The following SERPINB7 variants were observed in gnomAD, a reference collection of about 807,000 sequenced individuals.
The protein encoded by SERPINB7 is serpin family B member 7, also known as serpin B7.
Under a neutral mutation model 37.4 loss-of-function variants are expected in SERPINB7, and 31 were observed. The ratio of observed to expected loss-of-function variants is 0.83; its 90% CI spans 0.62 to 1.12. The LOEUF is 1.12. SERPINB7 is among the 50% of genes most tolerant of loss of function. The pLI, the probability that SERPINB7 is intolerant of heterozygous loss-of-function variation, is 0.00. For missense variants in SERPINB7, 521 were observed against 455.3 expected, an observed-to-expected ratio of 1.14 and a Z score of -1.31; for synonymous variants, 163 against 166.1, an observed-to-expected ratio of 0.98 and a Z score of 0.14.
intron 1 of SERPINB7, among the ~76,000 whole-genome samples, chr18:63,753,806 C>A (rs1377369660): frequency 2.0e-5 from 3 of 152,146 alleles, no homozygotes; most frequent in Admixed American, 2.0e-4. Context: ...TAATATGAGG[C>A]ACTTTTGAGT....
chr18:63,759,432 A>G lies in SERPINB7; in HGVS notation c.-19+6312A>G, dbSNP rs2049140303. Among the ~76,000 whole-genome samples the G allele has an allele frequency of 1.3e-5, 2 of 151,996 alleles. 1 individual carries two copies. Among genetic ancestry groups the G allele is most frequent in the African/African-American group, 4.8e-5 (2 of 41,298 alleles). ...AGAGCACACAGGCCTCTCTGGGTGC[A>G]TATGTAGGTTTTTTTCCTTCCAAAA... is the stretch of plus-strand genomic sequence containing the variant. On this transcript the variant is annotated intron_variant, in intron 1 of 7. Coordinates refer to the SERPINB7 transcript ENST00000336429.
intron 1 of SERPINB7, among the ~76,000 whole-genome samples, chr18:63,756,786 C>T (rs1158559003): frequency 1.4e-5 from 2 of 139,338 alleles, no homozygotes; most frequent in African/African-American, 2.6e-5. Context: ...CCAGTTGTTT[C>T]CAGGGTCTTG....
chr18:63,767,269 T>G (rs1429819034), intron 1 of SERPINB7, among the ~76,000 whole-genome samples: 1 of 152,150 alleles, frequency 6.6e-6, no homozygotes, highest in Non-Finnish European at 1.5e-5. Flanking sequence ...TGGATTTCAC[T>G]CTGTCTGCTT....
At chr18:63,754,880 C>CTTTTTTTTTTT (rs71162676) in intron 1 of SERPINB7, among the ~76,000 whole-genome samples, 1 of 57,980 alleles carries the variant, frequency 1.7e-5, no homozygotes, top group African/African-American at 7.1e-5. Context: ...AAACTGAGGT[C>CTTTTTTTTTTT]TTTTTTTTTT....
chr18:63,792,714 G>C (rs1355733202), intron 3 of SERPINB7, among the ~76,000 whole-genome samples: 2 of 152,162 alleles, frequency 1.3e-5, no homozygotes, highest in Non-Finnish European at 2.9e-5. Flanking sequence ...TCAAAGCAAA[G>C]AAACATGCTT....
intron 1 of SERPINB7, among the ~76,000 whole-genome samples, chr18:63,759,324 C>A (rs1332150998): frequency 6.6e-6 from 1 of 151,080 alleles, no homozygotes; most frequent in African/African-American, 2.4e-5. Flanking sequence ...TAAAATTGTT[C>A]AAAAATTTTC....
Position 63,785,737 on chromosome 18 carries a change from T to G in SERPINB7, c.168+3197T>G, listed in dbSNP as rs921794005. Among the ~76,000 whole-genome samples, 38 of 151,606 alleles carry G rather than the reference T, an allele frequency of 2.5e-4. 2 individuals carry two copies. Among genetic ancestry groups the G allele is most frequent in the African/African-American group, 8.0e-4 (33 of 41,462 alleles). The stretch of plus-strand genomic sequence containing the variant: ...TTTTTGTTGTTGTGTTTTGTTTTTT[T>G]TGTGTGTGTTTTTATTTTCATTTAG... On this transcript the variant is annotated intron_variant, in intron 2 of 7. Transcript: ENST00000398019.
chr18:63,769,603 C>T (rs1035204955), intron 1 of SERPINB7, among the ~76,000 whole-genome samples: 3 of 152,014 alleles, frequency 2.0e-5, no homozygotes, highest in Admixed American at 6.6e-5. Flanking sequence ...TTTAAATAGA[C>T]AGCAATGGTT....
chr18:63,796,567 T>C (rs1213411577), intron 5 of SERPINB7, among the ~76,000 whole-genome samples, 184 bp downstream of exon 5: 1 of 152,178 alleles, frequency 6.6e-6, no homozygotes, highest in Non-Finnish European at 1.5e-5. Flanking sequence ...TCTTAATAAT[T>C]TGAATGCTTT....
rs770445037 is a variant in SERPINB7 at position 63,800,915 on chromosome 18, T to C, written c.647T>C (p.Leu216Ser). Residue 216 changes from leucine to serine, a missense_variant, in exon 7 of 8, where the codon TTG becomes TCG. Transcript: ENST00000398019. ...AMMHQERKFN[L>S]SVIEDPSMKI... Reference sequence around the variant, plus strand: ...ATGCATCAGGAACGGAAGTTCAATTTGTCTGTTATTGAGGACCCATCAATG... The same window carrying C: ...ATGCATCAGGAACGGAAGTTCAATTCGTCTGTTATTGAGGACCCATCAATG... 9 of 1,614,000 alleles carry C rather than the reference T, an allele frequency of 5.6e-6. No homozygotes were observed. Among genetic ancestry groups the C allele is most frequent in the Non-Finnish European group, 7.6e-6 (9 of 1,179,906 alleles).
chr18:63,792,293 A>C, intron 2 of SERPINB7, 100 bp from the exon 3 acceptor site: 1 of 834,396 alleles, frequency 1.2e-6, no homozygotes, highest in Admixed American at 2.2e-5. Flanking sequence ...GCAATTAGAC[A>C]CATTTATTGG....
intron 1 of SERPINB7, among the ~76,000 whole-genome samples, chr18:63,759,247 A>T (rs59792263): frequency 0.031 from 4,148 of 133,192 alleles, 183 homozygotes; most frequent in African/African-American, 0.12. Context: ...AATCTGAATT[A>T]AAAAAAAAAA....
rs1765225751 is a variant in SERPINB7, at chr18:63,805,139, A to T, written c.*504A>T. ...TATGTTTGATTTTAAATCAGTGTAT[A>T]ATCTAGATGGTAAAAAATGTGAAAT... On this transcript the variant is annotated 3_prime_UTR_variant, in exon 8 of 8. Coordinates refer to ENST00000398019, the MANE Select transcript of SERPINB7 (RefSeq NM_003784.4). 2 of 153,050 alleles carry T rather than the reference A, an allele frequency of 1.3e-5. No homozygotes were observed. The highest frequency in any genetic ancestry group is 4.8e-5 in the African/African-American group (2 of 41,466). The allele number at this position is 153,050 out of a possible 1,614,324, so 9.5% of individuals were successfully genotyped here.
Position 63,795,327 on chromosome 18 carries a change from G to A in SERPINB7, c.337-939G>A, listed in dbSNP as rs191069961. ...TGTAATCCCAGCACTTTGGGAGGCT[G>A]AGGCGGGAGGATCACCTGAGGTCAG... On this transcript the variant is annotated intron_variant, in intron 4 of 7. Transcript: ENST00000398019. Among the ~76,000 whole-genome samples, 442 of 152,238 alleles carry A rather than the reference G, an allele frequency of 2.9e-3. 1 individual carries two copies. The highest frequency in any genetic ancestry group is 9.5e-3 in the African/African-American group (396 of 41,554).
chr18:63,756,159 G>A (rs2144580520), intron 1 of SERPINB7, among the ~76,000 whole-genome samples: 1 of 152,028 alleles, frequency 6.6e-6, no homozygotes, highest in Non-Finnish European at 1.5e-5. Context: ...ATGAACTTTT[G>A]AGGTTTAAAA....
At position 63,753,144 on chromosome 18, in the gene SERPINB7, C is replaced by T. The variant is rs573405691; in HGVS notation, c.-19+24C>T. On this transcript the variant is annotated intron_variant, in intron 1 of 7. Coordinates refer to the SERPINB7 transcript ENST00000336429. ...AGGTGAGTGCTTATGCTGGGTTATTCTAGGCTTCTGAGTATGCTTAGATTC... is the reference window on the plus strand; with the variant it reads ...AGGTGAGTGCTTATGCTGGGTTATTTTAGGCTTCTGAGTATGCTTAGATTC... The T allele has an allele frequency of 2.6e-5, 4 of 152,350 alleles. No individual in the cohort carries two copies. In the East Asian group the frequency reaches 5.8e-4, roughly 22 times the overall value. The allele number at this position is 152,350 out of a possible 1,614,324, so 9.4% of individuals were successfully genotyped here.
At chr18:63,781,239 A>C (rs1032314336) in intron 1 of SERPINB7, among the ~76,000 whole-genome samples, 1 of 152,200 alleles carries the variant, frequency 6.6e-6, no homozygotes, top group African/African-American at 2.4e-5. Flanking sequence ...CTTATGGAGC[A>C]AAAGGTACAA....
intron 1 of SERPINB7, among the ~76,000 whole-genome samples, chr18:63,761,514 A>G (rs1267056469): frequency 1.3e-5 from 2 of 152,180 alleles, no homozygotes; most frequent in East Asian, 3.8e-4. Context: ...ATGTGAGGAC[A>G]TGAGATTTGG....
At chr18:63,794,707 T>A (rs1020590089) in intron 4 of SERPINB7, among the ~76,000 whole-genome samples, 13 of 135,320 alleles carry the variant, frequency 9.6e-5, no homozygotes, top group South Asian at 7.6e-4. Flanking sequence ...AAAAAACAAA[T>A]AAACAAAAAA....
Sources: gnomAD v4.1 joint callset for allele counts (sites outside exome capture counted in the v4.1 genomes callset) on GRCh38, gnomAD v4.1.1 for gene constraint, MANE v1.5 for transcripts, NCBI Gene and HGNC (gene_info 2026-07-23, HGNC 2026-07-21) for gene names.